The following CSMD1 variants were observed in gnomAD, a reference collection of about 807,000 sequenced individuals.
The protein encoded by CSMD1 is CUB and sushi domain-containing protein 1.
Under a neutral mutation model 417.5 loss-of-function variants are expected in CSMD1, and 213 were observed. The observed-to-expected ratio is 0.51, with a 90% CI of 0.46 to 0.57. The LOEUF (loss-of-function observed/expected upper bound fraction) is 0.57, where lower values mean the gene tolerates loss of function less well. Among genes scored for constraint, CSMD1 ranks in the 20% least tolerant of loss-of-function variants. The pLI is 0.00. For synonymous variants in CSMD1, 2,862 were observed against 1,736.8 expected (o/e 1.65, Z -16.11); for missense variants, 6,923 against 4,529.7 (o/e 1.53, Z -15.17).
intron 55 of CSMD1, among the ~76,000 whole-genome samples, chr8:2,976,810 T>A (rs113798870): frequency 0.028 from 4,207 of 152,268 alleles, 95 homozygotes; most frequent in Non-Finnish European, 0.035. Flanking sequence ...TAGTTAACAG[T>A]CAATCTGATT....
At chr8:4,925,119 C>T (rs905120242) in intron 1 of CSMD1, among the ~76,000 whole-genome samples, 3 of 149,570 alleles carry the variant, frequency 2.0e-5, no homozygotes, top group Admixed American at 6.7e-5. Context: ...CATTATAAGT[C>T]TTTCTGAATG....
chr8:4,780,576 T>A (rs1283567799), intron 1 of CSMD1, among the ~76,000 whole-genome samples: 1 of 123,706 alleles, frequency 8.1e-6, no homozygotes, highest in Non-Finnish European at 1.8e-5. Context: ...TTTATATTTA[T>A]TTTTTTCCAT....
chr8:3,882,508 C>T lies in CSMD1; in HGVS notation c.818+115395G>A, dbSNP rs115811325. Among the ~76,000 whole-genome samples the T allele has an allele frequency of 7.0e-3, 1,069 of 152,292 alleles. 15 individuals are homozygous for T. Among genetic ancestry groups the T allele is most frequent in the African/African-American group, 0.025 (1,027 of 41,556 alleles). On this transcript the variant is annotated intron_variant, in intron 5 of 69. Coordinates refer to ENST00000635120, the MANE Select transcript of CSMD1 (RefSeq NM_033225.6). ...CAAAACTATTAGACTCTCTCTGCCT[C>T]GGTTGAGCACATGCATACACTGTGA...
intron 1 of CSMD1, among the ~76,000 whole-genome samples, chr8:4,764,742 G>A (rs1441451885): frequency 2.0e-5 from 3 of 150,344 alleles, no homozygotes; most frequent in African/African-American, 4.9e-5. Flanking sequence ...GTGTTGTGGC[G>A]GCTGCCTGTA....
intron 3 of CSMD1, among the ~76,000 whole-genome samples, chr8:4,415,758 C>T (rs1008458624): frequency 2.0e-5 from 3 of 152,142 alleles, no homozygotes; most frequent in Non-Finnish European, 2.9e-5. Context: ...CACTTGTGCA[C>T]GTATAAGTAT....
intron 65 of CSMD1, among the ~76,000 whole-genome samples, chr8:2,951,953 G>A (rs653768): frequency 0.78 from 118,015 of 152,170 alleles, 46,040 homozygotes; most frequent in Non-Finnish European, 0.79. Context: ...ATTCAGTAAT[G>A]AAAGGCAGTC....
chr8:3,557,524 A>G (rs192467093), intron 10 of CSMD1, among the ~76,000 whole-genome samples: 1 of 150,552 alleles, frequency 6.6e-6, no homozygotes, highest in Admixed American at 6.6e-5. Flanking sequence ...GAAACAAACA[A>G]ACACTCTTTA....
At chr8:4,753,403 CCA>C (rs71209121) in intron 1 of CSMD1, among the ~76,000 whole-genome samples, 9,742 of 137,614 alleles carry the variant, frequency 0.071, 340 homozygotes, top group Middle Eastern at 0.11. Context: ...CCACCATAAA[CCA>C]CACACACACA....
chr8:4,725,553 A>C (rs559651029), intron 1 of CSMD1, among the ~76,000 whole-genome samples: 1 of 152,264 alleles, frequency 6.6e-6, no homozygotes, highest in East Asian at 1.9e-4. Context: ...GGATATTTCT[A>C]GTTTTGAGAC....
At chr8:3,695,188 A>T (rs1399613893) in intron 7 of CSMD1, among the ~76,000 whole-genome samples, 1 of 151,814 alleles carries the variant, frequency 6.6e-6, no homozygotes, top group African/African-American at 2.4e-5. Context: ...CCTCGAAGAC[A>T]CTGTCTGAAA....
chr8:4,955,193 G>C (rs1414337035), intron 1 of CSMD1, among the ~76,000 whole-genome samples: 7 of 152,092 alleles, frequency 4.6e-5, no homozygotes, highest in Admixed American at 4.6e-4. Flanking sequence ...GTTCCCGTTG[G>C]CTTCTACCCA....
chr8:4,779,675 T>C (rs1230825228), intron 1 of CSMD1, among the ~76,000 whole-genome samples: 1 of 152,142 alleles, frequency 6.6e-6, no homozygotes, highest in East Asian at 1.9e-4. Flanking sequence ...TAGTCTCCAT[T>C]GCAACATTTC....
intron 7 of CSMD1, among the ~76,000 whole-genome samples, chr8:3,650,231 T>A (rs903335610): frequency 2.0e-5 from 3 of 151,960 alleles, no homozygotes; most frequent in Admixed American, 6.6e-5. Context: ...TGACCTGAGA[T>A]TGCTTCATTG....
At chr8:3,661,365 G>C (rs1290094102) in intron 7 of CSMD1, among the ~76,000 whole-genome samples, 2 of 152,006 alleles carry the variant, frequency 1.3e-5, no homozygotes, top group Admixed American at 6.5e-5. Context: ...CCTCACTGCA[G>C]ATTTCTGTAT....
intron 11 of CSMD1, among the ~76,000 whole-genome samples, chr8:3,480,429 A>G (rs1267925924): frequency 6.6e-6 from 1 of 152,212 alleles, no homozygotes; most frequent in Non-Finnish European, 1.5e-5. Flanking sequence ...AAAACAAAAC[A>G]AAACAAATAC....
chr8:4,422,724 A>G (rs998701296), intron 2 of CSMD1, among the ~76,000 whole-genome samples: 1 of 152,138 alleles, frequency 6.6e-6, no homozygotes, highest in Non-Finnish European at 1.5e-5. Context: ...AACCAGATAA[A>G]CACAGAAAAA....
chr8:4,381,171 A>T (rs1348501473), intron 3 of CSMD1, among the ~76,000 whole-genome samples: 1 of 152,186 alleles, frequency 6.6e-6, no homozygotes, highest in Non-Finnish European at 1.5e-5. Context: ...AAAAATATGT[A>T]TTACAGTTCT....
intron 3 of CSMD1, among the ~76,000 whole-genome samples, chr8:4,073,036 G>C (rs375524134): frequency 6.6e-6 from 1 of 152,132 alleles, no homozygotes; most frequent in Non-Finnish European, 1.5e-5. Context: ...TCACCTATAA[G>C]TGTAGCGTAG....
intron 10 of CSMD1, among the ~76,000 whole-genome samples, chr8:3,531,097 G>C (rs186144836): frequency 5.9e-4 from 89 of 151,976 alleles, no homozygotes; most frequent in Non-Finnish European, 1.1e-3. Context: ...CTGACCTCAG[G>C]TGACCTGCCC....
Sources: allele counts gnomAD v4.1 joint callset (sites outside exome capture counted in the v4.1 genomes callset), GRCh38; gene constraint gnomAD v4.1.1; transcripts MANE v1.5; gene names NCBI Gene and HGNC (gene_info 2026-07-23, HGNC 2026-07-21).